FAM234A: variants seen among roughly 807,000 people sequenced by gnomAD.
FAM234A encodes the protein family with sequence similarity 234 member A.
In FAM234A, 42 loss-of-function variants were observed where a neutral mutation model predicts 49.1. The observed-to-expected ratio is 0.86, with a 90% CI of 0.67 to 1.11. The LOEUF is 1.11. Ranked by LOEUF, FAM234A falls within the 50% of genes least tolerant of loss-of-function variation. The pLI, the probability that FAM234A is intolerant of heterozygous loss-of-function variation, is 0.00. For missense variants in FAM234A, 815 were observed against 745.2 expected, an observed-to-expected ratio of 1.09 and a Z score of -1.09; for synonymous variants, 369 against 316.2, an observed-to-expected ratio of 1.17 and a Z score of -1.77.
In FAM234A at chr16:264,170, C is replaced by T. The variant is rs751322019; in HGVS notation, c.1343C>T (p.Thr448Met). 3.4e-5 allele frequency: 55 copies of T among 1,598,278 alleles called. No individual in the cohort carries two copies. Among genetic ancestry groups the T allele is most frequent in the African/African-American group, 5.3e-5 (4 of 74,844 alleles). The change falls in exon 11 of 13, where the codon ACG (threonine) becomes ATG (methionine). Residue 448 changes from threonine (T) to methionine (M), a missense_variant and splice_region_variant. Thr to Met is a moderately conservative substitution (Grantham distance 81). Coordinates refer to ENST00000399932, the MANE Select transcript of FAM234A (RefSeq NM_032039.4). ...CACGAGCTGGGGAGCACCAGCGAGACGGTACGGGAGCCACCCTCGGAGCAG... is the reference window on the plus strand; with the variant it reads ...CACGAGCTGGGGAGCACCAGCGAGATGGTACGGGAGCCACCCTCGGAGCAG... ...GLHELGSTSE[T>M]ETGEARHSLY...
intron 1 of FAM234A, among the ~76,000 whole-genome samples, chr16:238,919 CAA>C (rs1161101529): frequency 4.4e-5 from 4 of 91,662 alleles, no homozygotes; most frequent in Admixed American, 1.2e-4. Flanking sequence ...CCCATCTCTA[CAA>C]AAAAAAAAAA....
At chr16:258,843 G>A (rs1289974532) in intron 3 of FAM234A, among the ~76,000 whole-genome samples, 1 of 152,190 alleles carries the variant, frequency 6.6e-6, no homozygotes, top group African/African-American at 2.4e-5. Flanking sequence ...GAGTGCAGTG[G>A]TGCAATCTCG....
intron 1 of FAM234A, among the ~76,000 whole-genome samples, chr16:244,416 A>C (rs2050731878): frequency 6.6e-6 from 1 of 152,162 alleles, no homozygotes; most frequent in South Asian, 2.1e-4. Context: ...AAATAAACAA[A>C]ACACTAAAAG....
downstream of FAM234A, chr16:269,044 C>A (rs575763571): frequency 1.4e-5 from 16 of 1,175,262 alleles, no homozygotes; most frequent in East Asian, 1.0e-4. Flanking sequence ...AGCCAATGAA[C>A]CCCCTCCCTG....
At chr16:245,695 T>A (rs2050780252) in intron 1 of FAM234A, among the ~76,000 whole-genome samples, 1 of 151,970 alleles carries the variant, frequency 6.6e-6, no homozygotes, top group Admixed American at 6.6e-5. Flanking sequence ...AATCTGTGAA[T>A]GTTTTAAGAA....
At chr16:268,011 ACAC>A (rs1179738576), downstream of FAM234A, among the ~76,000 whole-genome samples, 1 of 129,258 alleles carries the variant, frequency 7.7e-6, no homozygotes, top group Non-Finnish European at 1.6e-5. Context: ...ACACGCACAC[ACAC>A]CACATATGCA....
At chr16:253,219 G>A (rs1404320959) in intron 2 of FAM234A, among the ~76,000 whole-genome samples, 1 of 152,104 alleles carries the variant, frequency 6.6e-6, no homozygotes, top group African/African-American at 2.4e-5. Flanking sequence ...TCCACCCCCG[G>A]TCCGGCCAGC....
rs750424395 is a variant in FAM234A at position 262,073 on chromosome 16, G to A, written c.709-20G>A. 6.2e-7 allele frequency: 1 copy of A among 1,612,510 alleles called. No homozygotes were observed. Among genetic ancestry groups the A allele is most frequent in the Admixed American group, 1.7e-5 (1 of 59,926 alleles). ...CAGGCTCAGGTCCCTCTCTTCCTGT[G>A]TCATCCTGTGTCATTGCAGGTTAGT... On this transcript the variant is annotated intron_variant, in intron 6 of 12. Coordinates refer to ENST00000399932, the MANE Select transcript of FAM234A (RefSeq NM_032039.4).
chr16:266,823 C>T (rs530574415), downstream of FAM234A, among the ~76,000 whole-genome samples: 2 of 152,192 alleles, frequency 1.3e-5, no homozygotes, highest in African/African-American at 2.4e-5. Context: ...AACCGCCAGG[C>T]GGGCAGGGTG....
intron 3 of FAM234A, among the ~76,000 whole-genome samples, chr16:256,785 C>G (rs952776400): frequency 6.6e-6 from 1 of 151,088 alleles, no homozygotes; most frequent in South Asian, 2.1e-4. Flanking sequence ...TCTTGTTTCC[C>G]AGGCTGGAGT....
chr16:258,106 G>T (rs957449641), intron 3 of FAM234A, among the ~76,000 whole-genome samples: 2 of 151,220 alleles, frequency 1.3e-5, no homozygotes, highest in African/African-American at 4.9e-5. Flanking sequence ...CACCCGCCTC[G>T]GCCTCCTAAA....
At chr16:258,742 C>T (rs908540323) in intron 3 of FAM234A, among the ~76,000 whole-genome samples, 13 of 152,292 alleles carry the variant, frequency 8.5e-5, no homozygotes, top group Admixed American at 4.6e-4. Flanking sequence ...CGGGCAGAGG[C>T]GCCCCTCACC....
intron 8 of FAM234A, 148 bp downstream of exon 8, chr16:262,701 C>G (rs2051520064): frequency 1.5e-6 from 1 of 683,374 alleles, no homozygotes; most frequent in African/African-American, 1.9e-5. Flanking sequence ...ACCCTGGGCT[C>G]AGATGTGAGA....
downstream of FAM234A, chr16:269,693 T>C: frequency 1.1e-6 from 1 of 882,928 alleles, no homozygotes. Context: ...AGCCACAGAG[T>C]CTCCGGCGGA....
Position 262,427 on chromosome 16 carries a change from G to C in FAM234A, c.845G>C (p.Ser282Thr), listed in dbSNP as rs755336092. 1.3e-6 allele frequency: 2 copies of C among 1,598,902 alleles called. No homozygotes were observed. Among genetic ancestry groups the C allele is most frequent in the Non-Finnish European group, 1.7e-6 (2 of 1,172,024 alleles). Residue 282 changes from serine (S) to threonine (T), a missense_variant, in exon 8 of 13, where the codon AGC (serine) becomes ACC (threonine). Coordinates refer to ENST00000399932, the MANE Select transcript of FAM234A (RefSeq NM_032039.4). ...GAHYILFPCA[S>T]SLCGCSVKGL... The stretch of plus-strand genomic sequence containing the variant: ...GGCCCTTCTGTGTTTTGAATAGCAA[G>C]CTCCCTCTGCGGCTGCTCTGTGAAG...
At chr16:262,840 G>C (rs1407470838) in intron 8 of FAM234A, among the ~76,000 whole-genome samples, 6 of 127,850 alleles carry the variant, frequency 4.7e-5, no homozygotes, top group African/African-American at 1.7e-4. Context: ...TTTTTTTTAA[G>C]ACGGAGTCTT....
In FAM234A at chr16:265,842, C is replaced by T; in HGVS notation, c.*820C>T. ...TCAGTAGACACTGGAGCTGCTCTGT[C>T]CCTGAAGAGGCCCCGTGCCCCAGGC... On this transcript the variant is annotated 3_prime_UTR_variant, in exon 13 of 13. Transcript: ENST00000399932. 1.0e-6 allele frequency: 1 copy of T among 985,976 alleles called. No individual in the cohort carries two copies. Among genetic ancestry groups the T allele is most frequent in the Non-Finnish European group, 1.2e-6 (1 of 830,174 alleles). 61.1% of individuals were successfully genotyped at this position (985,976 alleles called of 1,614,324 possible). A position where few individuals can be genotyped will look rare whatever the true frequency, so the allele number is the denominator to read the frequency against.
chr16:242,592 G>A (rs1470150707), intron 1 of FAM234A, among the ~76,000 whole-genome samples: 1 of 150,106 alleles, frequency 6.7e-6, no homozygotes, highest in Non-Finnish European at 1.5e-5. Flanking sequence ...CTTTCTTCAA[G>A]TTATTCTTGG....
At chr16:242,737 T>G (rs1193240442) in intron 1 of FAM234A, among the ~76,000 whole-genome samples, 2 of 151,078 alleles carry the variant, frequency 1.3e-5, no homozygotes, top group Non-Finnish European at 3.0e-5. Context: ...CTCAGCCTCC[T>G]GAGTAGCTGG....
Sources: gnomAD v4.1 joint callset for allele counts (sites outside exome capture counted in the v4.1 genomes callset) on GRCh38, gnomAD v4.1.1 for gene constraint, MANE v1.5 for transcripts, NCBI Gene and HGNC (gene_info 2026-07-23, HGNC 2026-07-21) for gene names.